Variants in ANK1 observed in about 807,000 individuals in gnomAD.
The protein encoded by ANK1 is ankyrin-1.
Under a neutral mutation model 210.4 loss-of-function variants are expected in ANK1, and 51 were observed. The observed-to-expected ratio is 0.24, with a 90% CI of 0.19 to 0.31. The LOEUF is 0.31. Among genes scored for constraint, ANK1 ranks in the 10% least tolerant of loss-of-function variants. The pLI is 1.00. For synonymous variants in ANK1, 967 were observed against 1,025.9 expected, an observed-to-expected ratio of 0.94 and a Z score of 1.10; for missense variants, 2,051 against 2,504.4, an observed-to-expected ratio of 0.82 and a Z score of 3.86.
intron 1 of ANK1, among the ~76,000 whole-genome samples, chr8:41,770,075 AG>A (rs760466636): frequency 7.6e-6 from 1 of 132,306 alleles, no homozygotes; most frequent in African/African-American, 2.9e-5. Context: ...CCCGCCTCCC[AG>A]GTTCAAGCGA....
chr8:41,677,532 A>G (rs1585982129), intron 37 of ANK1, among the ~76,000 whole-genome samples: 1 of 151,136 alleles, frequency 6.6e-6, no homozygotes, highest in African/African-American at 2.4e-5. Context: ...AAGATGTGGC[A>G]TACTTTAAAG....
At chr8:41,822,171 AAAGAAAGAAAGAAAG>A (rs1241417212) in intron 1 of ANK1, among the ~76,000 whole-genome samples, 6 of 148,262 alleles carry the variant, frequency 4.0e-5, no homozygotes, top group African/African-American at 7.6e-5. Flanking sequence ...AGAAAGAAAG[AAAGAAAGAAAGAAAG>A]AAGGAAAGAA....
At chr8:41,703,438 A>ATTTTTT (rs1563491543) in intron 20 of ANK1, among the ~76,000 whole-genome samples, 9 of 68,534 alleles carry the variant, frequency 1.3e-4, no homozygotes, top group African/African-American at 5.1e-4. Context: ...ATATATATAT[A>ATTTTTT]TATATATATA....
chr8:41,715,522 T>C, intron 14 of ANK1, 130 bp downstream of exon 14: 1 of 1,231,840 alleles, frequency 8.1e-7, no homozygotes, highest in Admixed American at 2.0e-5. Context: ...GCCCTGAGTG[T>C]GACGACCCTT....
chr8:41,759,523 A>C (rs1035288873), intron 1 of ANK1, among the ~76,000 whole-genome samples: 1 of 152,190 alleles, frequency 6.6e-6, no homozygotes. Flanking sequence ...ACAAACAAAC[A>C]AAAAAACCCA....
At chr8:41,839,795 A>C (rs1808506139) in intron 1 of ANK1, among the ~76,000 whole-genome samples, 1 of 152,246 alleles carries the variant, frequency 6.6e-6, no homozygotes, top group African/African-American at 2.4e-5. Flanking sequence ...ACTAAATGTC[A>C]TGTGGCATCC....
intron 1 of ANK1, among the ~76,000 whole-genome samples, chr8:41,771,683 G>T (rs890273639): frequency 1.3e-5 from 2 of 152,200 alleles, no homozygotes; most frequent in Non-Finnish European, 2.9e-5. Context: ...CTGCAGACAA[G>T]CATAATGAAA....
intron 1 of ANK1, among the ~76,000 whole-genome samples, chr8:41,803,005 G>GAA (rs1563809988): frequency 1.3e-5 from 1 of 77,320 alleles, no homozygotes; most frequent in Non-Finnish European, 2.5e-5. Flanking sequence ...GAGAAAGAAA[G>GAA]AAAGAAAGAA....
intron 9 of ANK1, among the ~76,000 whole-genome samples, chr8:41,720,333 TTGAA>T (rs950705408): frequency 1.3e-5 from 2 of 152,168 alleles, no homozygotes; most frequent in East Asian, 1.9e-4. Flanking sequence ...TTATGTGATT[TTGAA>T]TGAATGAATG....
intron 1 of ANK1, among the ~76,000 whole-genome samples, chr8:41,810,494 C>T (rs920133570): frequency 2.2e-4 from 33 of 152,216 alleles, no homozygotes; most frequent in Non-Finnish European, 4.0e-4. Context: ...CCATCTGTGG[C>T]CCCTCTGCTG....
intron 1 of ANK1, among the ~76,000 whole-genome samples, chr8:41,822,776 C>G (rs1270797450): frequency 1.3e-5 from 2 of 152,208 alleles, no homozygotes; most frequent in East Asian, 3.9e-4. Context: ...CTGCTACCAT[C>G]CCACCAACAG....
chr8:41,753,129 C>T (rs1043937723), intron 2 of ANK1, among the ~76,000 whole-genome samples: 4 of 141,230 alleles, frequency 2.8e-5, no homozygotes, highest in Admixed American at 1.5e-4. Flanking sequence ...GTGGCTCGAT[C>T]TCGGCTCACC....
intron 1 of ANK1, among the ~76,000 whole-genome samples, chr8:41,822,919 G>A (rs1178255514): frequency 6.6e-6 from 1 of 152,210 alleles, no homozygotes; most frequent in Non-Finnish European, 1.5e-5. Context: ...GGCTGATCTG[G>A]GGCGCTCCGT....
intron 1 of ANK1, among the ~76,000 whole-genome samples, chr8:41,844,920 T>G (rs968747611): frequency 6.6e-6 from 1 of 152,116 alleles, no homozygotes; most frequent in South Asian, 2.1e-4. Flanking sequence ...GTCCCCGGGA[T>G]GCGCTTTCTG....
chr8:41,681,210 CA>C (rs1258712814), intron 37 of ANK1, among the ~76,000 whole-genome samples: 1 of 152,214 alleles, frequency 6.6e-6, no homozygotes, highest in African/African-American at 2.4e-5. Flanking sequence ...GGAAATAAAA[CA>C]AGTTTTATTT....
chr8:41,696,313 C>T, intron 26 of ANK1, 50 bp downstream of exon 26: 1 of 1,597,098 alleles, frequency 6.3e-7, no homozygotes, highest in Non-Finnish European at 8.6e-7. Flanking sequence ...ATGGCGTGGC[C>T]TCCGTGGCAC....
chr8:41,808,273 C>T (rs1400968058), intron 1 of ANK1, among the ~76,000 whole-genome samples: 3 of 152,204 alleles, frequency 2.0e-5, no homozygotes, highest in Non-Finnish European at 4.4e-5. Flanking sequence ...AGCAACTTTT[C>T]CTGACAGCTC....
chr8:41,679,558 C>CCTTT (rs1469060675), intron 37 of ANK1, among the ~76,000 whole-genome samples: 1 of 90,240 alleles, frequency 1.1e-5, no homozygotes, highest in Non-Finnish European at 2.0e-5. Context: ...CCTGGACTTT[C>CCTTT]TTTTTTTTTT....
chr8:41,699,175 G>A (rs1165087997), intron 23 of ANK1, among the ~76,000 whole-genome samples: 1 of 152,158 alleles, frequency 6.6e-6, no homozygotes, highest in African/African-American at 2.4e-5. Flanking sequence ...CTGTGAATGA[G>A]GGGAGCCTGG....
Sources: gnomAD v4.1 joint callset for allele counts (sites outside exome capture counted in the v4.1 genomes callset) on GRCh38, gnomAD v4.1.1 for gene constraint, MANE v1.5 for transcripts, NCBI Gene and HGNC (gene_info 2026-07-23, HGNC 2026-07-21) for gene names.